Variants in EXD3 observed in about 807,000 individuals in gnomAD.
EXD3 encodes the protein exonuclease 3'-5' domain containing 3, also known as exonuclease mut-7 homolog.
EXD3 carries 92 observed loss-of-function variants against 98.0 expected under a neutral mutation model. That is an observed-to-expected ratio of 0.94 (90% CI 0.79 to 1.12). EXD3 has a LOEUF of 1.12. EXD3 is among the 50% of genes most tolerant of loss of function. EXD3 has a pLI of 0.00. For synonymous variants in EXD3, 569 were observed against 526.0 expected (o/e 1.08, Z -1.12); for missense variants, 1,222 against 1,191.6 (o/e 1.03, Z -0.38).
chr9:137,392,715 T>A, intron 2 of EXD3: 1 of 336,636 alleles, frequency 3.0e-6, no homozygotes, highest in East Asian at 7.9e-5. Context: ...GGGGGCTGTG[T>A]CTGTTCCAGG....
rs28378206 is a variant in EXD3 at position 137,338,639 on chromosome 9, C to T, written c.1998+9432G>A. 3.3e-3 allele frequency among the ~76,000 whole-genome samples: 498 copies of T among 151,560 alleles called. 2 individuals are homozygous for T. Among genetic ancestry groups the T allele is most frequent in the African/African-American group, 0.011 (470 of 41,298 alleles). On this transcript the variant is annotated intron_variant, in intron 17 of 21. Coordinates refer to ENST00000340951, the MANE Select transcript of EXD3 (RefSeq NM_017820.5). ...CAGTGGCTCACGCCTGTAATCCCAG[C>T]ACTTTGGGAGGCTGAGGAGGGCAGA...
chr9:137,374,540 C>T (rs1223035458), intron 3 of EXD3: 38 of 985,184 alleles, frequency 3.9e-5, no homozygotes, highest in Non-Finnish European at 4.5e-5. Flanking sequence ...GAAAGCTTAC[C>T]GAAACAAAAG....
chr9:137,350,332 TTCTA>T (rs1834207974), intron 14 of EXD3, among the ~76,000 whole-genome samples: 1 of 47,156 alleles, frequency 2.1e-5, no homozygotes, highest in African/African-American at 7.6e-5. Flanking sequence ...ACGGGGAAGG[TTCTA>T]GATAGAGAGG....
chr9:137,382,453 A>G (rs1836363979), intron 3 of EXD3, among the ~76,000 whole-genome samples: 1 of 152,134 alleles, frequency 6.6e-6, no homozygotes, highest in South Asian at 2.1e-4. Context: ...AGAGCGAGGA[A>G]GACTGAGCGT....
At position 137,371,990 on chromosome 9, in the gene EXD3, A is replaced by T. The variant is rs1428188045; in HGVS notation, c.462+915T>A. 2.6e-5 allele frequency among the ~76,000 whole-genome samples: 4 copies of T among 152,276 alleles called. No homozygotes were observed. In the East Asian group the frequency reaches 7.7e-4, roughly 29 times the overall value. On this transcript the variant is annotated intron_variant, in intron 5 of 21. Transcript: ENST00000340951. This position sits in a 1 kb window ranked among gnomAD's most constrained non-coding sequence, Gnocchi z 8.0. ...CCCAAGTCACAGCTTGGCCAGGCTC[A>T]GGACGACGGGGCTGTGATGCTAGAC...
chr9:137,327,578 AAAAG>A (rs1483374521), intron 17 of EXD3, among the ~76,000 whole-genome samples: 5 of 152,160 alleles, frequency 3.3e-5, no homozygotes, highest in East Asian at 1.9e-4. Flanking sequence ...TTTTACCACA[AAAAG>A]AAAGAAAAAA....
Position 137,373,507 on chromosome 9 carries a change from TC to T in EXD3, c.212del (p.Gly71GlufsTer31), listed in dbSNP as rs2131684823. 6.2e-7 allele frequency: 1 copy of T among 1,606,392 alleles called. No individual in the cohort carries two copies. The highest frequency in any genetic ancestry group is 1.7e-4 in the Middle Eastern group (1 of 5,984). On this transcript the variant is annotated frameshift_variant, in exon 4 of 22. Transcript: ENST00000340951. LOFTEE classifies it high-confidence loss of function. ...TCCAGGCCGCCAGGGAGGGGCCCTC[TC>T]CCCGCTGGCCCCGGCAGCTCTCCAG... ...DMLESCRGQR[G>X]EGPSLAAWIS...
chr9:137,330,350 G>T (rs1258104516), intron 17 of EXD3, among the ~76,000 whole-genome samples: 1 of 143,026 alleles, frequency 7.0e-6, no homozygotes, highest in African/African-American at 2.7e-5. Context: ...GACTACACAG[G>T]ACTACACAGG....
Position 137,361,745 on chromosome 9 carries a change from TAAA to T in EXD3, c.656+4745_656+4747del, listed in dbSNP as rs200008533. Among the ~76,000 whole-genome samples the T allele has an allele frequency of 7.7e-3, 956 of 124,332 alleles. 14 individuals carry two copies. Among genetic ancestry groups the T allele is most frequent in the African/African-American group, 0.027 (903 of 33,612 alleles). 81.6% of individuals were successfully genotyped at this position (124,332 alleles called of 152,430 possible). ...TGGGCGACAGGGCGAGACTCTGTCT[TAAA>T]AAAAAAAAAAAAAAAATTACCAGGC... On this transcript the variant is annotated intron_variant, in intron 7 of 21. Transcript: ENST00000340951.
intron 3 of EXD3, chr9:137,374,897 T>C: frequency 1.0e-6 from 1 of 973,964 alleles, no homozygotes. Context: ...GTCCTGGCCC[T>C]AGTGAGATCT....
At chr9:137,354,603 G>A in intron 9 of EXD3, 97 bp downstream of exon 9, 1 of 1,569,542 alleles carries the variant, frequency 6.4e-7, no homozygotes, top group Non-Finnish European at 8.6e-7. Flanking sequence ...TACTTGATAT[G>A]TCTGTGCACC....
intron 21 of EXD3, 136 bp from the exon 22 acceptor site, chr9:137,307,399 C>T (rs1375619728): frequency 1.5e-5 from 21 of 1,361,136 alleles, no homozygotes; most frequent in Non-Finnish European, 2.0e-5. Context: ...TGCTCCCTAT[C>T]CGCTGACTCT....
chr9:137,321,252 A>G (rs1832017525), intron 19 of EXD3, among the ~76,000 whole-genome samples: 1 of 152,230 alleles, frequency 6.6e-6, no homozygotes, highest in African/African-American at 2.4e-5. Flanking sequence ...CTGCTCAGCC[A>G]GGTGGGTGCC....
At position 137,351,305 on chromosome 9, in the gene EXD3, G is replaced by A. The variant is rs1202506495; in HGVS notation, c.1384+13C>T. 3.1e-6 allele frequency: 5 copies of A among 1,608,344 alleles called. No homozygotes were observed. Among genetic ancestry groups the A allele is most frequent in the Non-Finnish European group, 4.2e-6 (5 of 1,178,230 alleles). On this transcript the variant is annotated intron_variant, in intron 13 of 21. Transcript: ENST00000340951. The stretch of plus-strand genomic sequence containing the variant: ...TTTCTGGACTGGGCAGGGGGCCCCA[G>A]GGCTTCACTCACCCAGCTTGGTGAT...
chr9:137,345,128 T>C (rs1457043404), intron 17 of EXD3, among the ~76,000 whole-genome samples: 2 of 152,262 alleles, frequency 1.3e-5, no homozygotes, highest in African/African-American at 4.8e-5. Context: ...CCCCATGGCG[T>C]TTCCCGCCAC....
intron 10 of EXD3, 45 bp downstream of exon 10, chr9:137,354,294 C>T (rs773937403): frequency 5.7e-5 from 92 of 1,605,930 alleles, no homozygotes; most frequent in Middle Eastern, 3.3e-4. Flanking sequence ...CTAGGACAGC[C>T]GCCCAGGCCG....
intron 7 of EXD3, chr9:137,365,940 A>T: frequency 2.3e-6 from 1 of 444,310 alleles, no homozygotes; most frequent in South Asian, 1.8e-5. Context: ...GGCACACACA[A>T]ACGTGCACAC....
chr9:137,380,477 C>T (rs1836190726), intron 3 of EXD3, among the ~76,000 whole-genome samples: 1 of 62,014 alleles, frequency 1.6e-5, no homozygotes, highest in Admixed American at 1.5e-4. Flanking sequence ...GGGCATCCCC[C>T]CCAATCCCCC....
chr9:137,414,454 G>A (rs1395926825), intron 1 of EXD3, among the ~76,000 whole-genome samples: 1 of 151,992 alleles, frequency 6.6e-6, no homozygotes, highest in East Asian at 1.9e-4. Flanking sequence ...TGTTTTCACT[G>A]ATCTGGGGAC....
Sources: gnomAD v4.1 joint callset for allele counts (sites outside exome capture counted in the v4.1 genomes callset) on GRCh38, gnomAD v4.1.1 for gene constraint, Gnocchi (gnomAD v3.1) non-coding constraint, MANE v1.5 for transcripts, NCBI Gene and HGNC (gene_info 2026-07-23, HGNC 2026-07-21) for gene names.